ANKS1B: variants seen among roughly 807,000 people sequenced by gnomAD.
ANKS1B encodes the protein ankyrin repeat and sterile alpha motif domain containing 1B.
Under a neutral mutation model 148.3 loss-of-function variants are expected in ANKS1B, and 36 were observed. The observed-to-expected ratio is 0.24, with a 90% confidence interval of 0.19 to 0.32. The LOEUF (loss-of-function observed/expected upper bound fraction) is 0.32. ANKS1B is among the 10% of genes least tolerant of loss of function. ANKS1B has a pLI of 1.00. For missense variants in ANKS1B, 1,157 were observed against 1,542.6 expected (o/e 0.75, Z 4.19); for synonymous variants, 542 against 560.8 (o/e 0.97, Z 0.47).
chr12:99,221,848 A>G (rs1397477614), intron 14 of ANKS1B, among the ~76,000 whole-genome samples: 3 of 152,232 alleles, frequency 2.0e-5, no homozygotes, highest in Non-Finnish European at 2.9e-5. Flanking sequence ...ATGCCTTCAT[A>G]TGTGATGTAT....
chr12:99,240,712 G>C (rs2089127380), intron 14 of ANKS1B, among the ~76,000 whole-genome samples: 1 of 152,206 alleles, frequency 6.6e-6, no homozygotes, highest in African/African-American at 2.4e-5. Flanking sequence ...AAACCACAGT[G>C]CAATCAAATT....
chr12:98,931,951 T>G (rs549393876), intron 17 of ANKS1B, among the ~76,000 whole-genome samples: 1 of 152,298 alleles, frequency 6.6e-6, no homozygotes, highest in South Asian at 2.1e-4. Flanking sequence ...GCATTTGATC[T>G]TAACAAGCTC....
rs386377539 is a variant in ANKS1B at position 99,088,838 on chromosome 12, GT to G, written c.2527-3816del. ...GCTAGCAAATCTCAGTTTAACTTCTGTTTTTTTTTTTTTTTTTTTTTTTTGA... is the reference window on the plus strand; with the variant it reads ...GCTAGCAAATCTCAGTTTAACTTCTGTTTTTTTTTTTTTTTTTTTTTTTGA... On this transcript the variant is annotated intron_variant, in intron 15 of 26. Coordinates refer to ENST00000683438, the MANE Select transcript of ANKS1B (RefSeq NM_001352186.2). 4.9e-4 allele frequency among the ~76,000 whole-genome samples: 34 copies of G among 69,842 alleles called. 1 individual carries two copies. The highest frequency in any genetic ancestry group is 1.4e-3 in the South Asian group (2 of 1,468). 45.8% of individuals were successfully genotyped at this position (69,842 alleles called of 152,430 possible).
intron 9 of ANKS1B, among the ~76,000 whole-genome samples, chr12:99,586,020 C>A (rs1157370244): frequency 6.6e-6 from 1 of 152,198 alleles, no homozygotes; most frequent in Admixed American, 6.5e-5. Context: ...ACCCAAATTT[C>A]TGCAGCTGGC....
chr12:99,682,228 A>G (rs1394599924), intron 8 of ANKS1B, among the ~76,000 whole-genome samples: 1 of 152,200 alleles, frequency 6.6e-6, no homozygotes. Context: ...CAAAGAAACA[A>G]TGAACTTAAA....
intron 11 of ANKS1B, among the ~76,000 whole-genome samples, chr12:99,440,073 A>G (rs1202646840): frequency 6.6e-6 from 1 of 151,808 alleles, no homozygotes; most frequent in African/African-American, 2.4e-5. Flanking sequence ...CCATTTATAT[A>G]AAGTCCAAGA....
intron 8 of ANKS1B, among the ~76,000 whole-genome samples, chr12:99,723,337 C>T (rs1340325083): frequency 6.6e-6 from 1 of 152,142 alleles, no homozygotes; most frequent in Non-Finnish European, 1.5e-5. Context: ...GGCTTGGTTC[C>T]GAGAGGGGTC....
At chr12:99,644,103 C>T (rs1216669049) in intron 9 of ANKS1B, among the ~76,000 whole-genome samples, 3 of 152,112 alleles carry the variant, frequency 2.0e-5, no homozygotes, top group African/African-American at 7.2e-5. Flanking sequence ...GCCATACCTC[C>T]AACACTTTAT....
chr12:98,934,985 G>T (rs1438739161), intron 17 of ANKS1B, among the ~76,000 whole-genome samples: 1 of 151,862 alleles, frequency 6.6e-6, no homozygotes, highest in Admixed American at 6.6e-5. Context: ...TTGCCTGACT[G>T]CTCTGGCTAG....
At position 99,477,763 on chromosome 12, in the gene ANKS1B, A is replaced by G. The variant is rs547528605; in HGVS notation, c.1438+26713T>C. ...TCATCCAAACTGGGAAACTTTTGAG[A>G]GTGAAAAGGAGTGCTAGTAATAATT... On this transcript the variant is annotated intron_variant, in intron 10 of 26. Coordinates refer to ENST00000683438, the MANE Select transcript of ANKS1B (RefSeq NM_001352186.2). 4.6e-5 allele frequency among the ~76,000 whole-genome samples: 7 copies of G among 152,230 alleles called. No homozygotes were observed. In the East Asian group the frequency reaches 1.4e-3, roughly 29 times the overall value.
intron 9 of ANKS1B, among the ~76,000 whole-genome samples, chr12:99,533,827 A>T (rs1247925607): frequency 6.6e-6 from 1 of 152,220 alleles, no homozygotes; most frequent in African/African-American, 2.4e-5. Context: ...CACAGAGTAG[A>T]CTTTCAAAAT....
intron 12 of ANKS1B, among the ~76,000 whole-genome samples, chr12:99,289,800 T>A (rs999204083): frequency 2.6e-5 from 4 of 151,856 alleles, no homozygotes; most frequent in Admixed American, 6.6e-5. Context: ...TAGCAATAAG[T>A]TCCTACATCA....
intron 11 of ANKS1B, among the ~76,000 whole-genome samples, chr12:99,433,164 G>A (rs2095407018): frequency 6.6e-6 from 1 of 152,064 alleles, no homozygotes; most frequent in Non-Finnish European, 1.5e-5. Context: ...AAAGTTAGAG[G>A]ACTGATTTTT....
chr12:99,010,434 C>A (rs978802274), intron 17 of ANKS1B, among the ~76,000 whole-genome samples: 4 of 152,092 alleles, frequency 2.6e-5, no homozygotes, highest in East Asian at 3.9e-4. Context: ...AGGTCAGAAC[C>A]CTTACTTACT....
intron 14 of ANKS1B, among the ~76,000 whole-genome samples, chr12:99,206,966 C>T (rs1305487791): frequency 6.6e-6 from 1 of 152,140 alleles, no homozygotes; most frequent in Non-Finnish European, 1.5e-5. Context: ...GGCTTCCCAC[C>T]TACATCTTTC....
intron 21 of ANKS1B, among the ~76,000 whole-genome samples, chr12:98,799,907 C>T (rs1439702498): frequency 2.0e-5 from 3 of 150,884 alleles, no homozygotes; most frequent in East Asian, 2.0e-4. Flanking sequence ...AAGTGAATTA[C>T]AATAATTATT....
chr12:99,447,195 GT>G (rs1252971473), intron 10 of ANKS1B, among the ~76,000 whole-genome samples: 1 of 151,890 alleles, frequency 6.6e-6, no homozygotes, highest in African/African-American at 2.4e-5. Flanking sequence ...TATTTCAAAG[GT>G]GCCAACAACA....
At chr12:99,061,631 A>G (rs1396586713) in intron 16 of ANKS1B, among the ~76,000 whole-genome samples, 1 of 152,244 alleles carries the variant, frequency 6.6e-6, no homozygotes, top group Non-Finnish European at 1.5e-5. Context: ...AGACTATTAT[A>G]TGAGAGAAAT....
chr12:99,231,096 C>T (rs2086768093), intron 14 of ANKS1B, among the ~76,000 whole-genome samples: 1 of 152,104 alleles, frequency 6.6e-6, no homozygotes, highest in African/African-American at 2.4e-5. Context: ...GAAAATTTCT[C>T]CTCTGAAAAT....
Sources: allele counts gnomAD v4.1 joint callset (sites outside exome capture counted in the v4.1 genomes callset), GRCh38; gene constraint gnomAD v4.1.1; transcripts MANE v1.5; gene names NCBI Gene and HGNC (gene_info 2026-07-23, HGNC 2026-07-21).